MEOX2: variants seen among roughly 807,000 people sequenced by gnomAD.
MEOX2 encodes the protein homeobox protein MOX-2.
Under a neutral mutation model 27.0 loss-of-function variants are expected in MEOX2, and 11 were observed. The ratio of observed to expected loss-of-function variants is 0.41; its 90% CI spans 0.26 to 0.68. The LOEUF (loss-of-function observed/expected upper bound fraction) is 0.68, where lower values mean the gene tolerates loss of function less well. Among genes scored for constraint, MEOX2 ranks in the 30% least tolerant of loss-of-function variants. MEOX2 has a pLI of 0.33. For missense variants in MEOX2, 436 were observed against 385.4 expected (o/e 1.13, Z -1.10); for synonymous variants, 189 against 155.4 (o/e 1.22, Z -1.61).
chr7:15,673,582 C>A (rs1178514902), intron 1 of MEOX2, among the ~76,000 whole-genome samples: 11 of 34,434 alleles, frequency 3.2e-4, no homozygotes, highest in African/African-American at 6.4e-4. Flanking sequence ...GAGGAATAGA[C>A]ATAAACAAGT....
At chr7:15,625,271 G>C (rs751649894) in intron 2 of MEOX2, among the ~76,000 whole-genome samples, 1 of 152,004 alleles carries the variant, frequency 6.6e-6, no homozygotes, top group South Asian at 2.1e-4. Context: ...ATAAAATAGA[G>C]GTCTGATGAT....
chr7:15,619,190 C>G (rs938765202), intron 2 of MEOX2, among the ~76,000 whole-genome samples: 1 of 151,992 alleles, frequency 6.6e-6, no homozygotes, highest in Non-Finnish European at 1.5e-5. Flanking sequence ...CAACACAAAA[C>G]TTGCACGAGC....
intron 1 of MEOX2, among the ~76,000 whole-genome samples, chr7:15,648,522 C>T (rs1486522259): frequency 6.6e-6 from 1 of 151,928 alleles, no homozygotes; most frequent in Non-Finnish European, 1.5e-5. Flanking sequence ...GGATAGCAGG[C>T]CGGAGAAAGG....
intron 2 of MEOX2, among the ~76,000 whole-genome samples, chr7:15,624,482 A>G (rs941093778): frequency 6.6e-6 from 1 of 152,194 alleles, no homozygotes; most frequent in Non-Finnish European, 1.5e-5. Context: ...ACAATGGGAC[A>G]CTAGCAAATA....
chr7:15,657,224 T>A (rs940328301), intron 1 of MEOX2, among the ~76,000 whole-genome samples: 2 of 152,194 alleles, frequency 1.3e-5, no homozygotes, highest in African/African-American at 4.8e-5. Context: ...TTTGCAGGTT[T>A]ATGTCTTTTG....
chr7:15,621,182 A>G (rs1046819338), intron 2 of MEOX2, among the ~76,000 whole-genome samples: 1 of 152,202 alleles, frequency 6.6e-6, no homozygotes, highest in African/African-American at 2.4e-5. Flanking sequence ...TTATCTGTTG[A>G]TCTTGAAGGT....
At chr7:15,672,839 C>T (rs1489534604) in intron 1 of MEOX2, among the ~76,000 whole-genome samples, 1 of 151,602 alleles carries the variant, frequency 6.6e-6, no homozygotes, top group Non-Finnish European at 1.5e-5. Context: ...TTGCAGTGAG[C>T]CGAGATCGTG....
intron 1 of MEOX2, among the ~76,000 whole-genome samples, chr7:15,639,465 A>AGG (rs2115369475): frequency 6.6e-6 from 1 of 152,168 alleles, no homozygotes; most frequent in Admixed American, 6.5e-5. Context: ...TTTGCTGTGC[A>AGG]GAAGCTCTTT....
Position 15,611,486 on chromosome 7 carries a change from T to C in MEOX2, c.*901A>G, listed in dbSNP as rs970191357. 6.5e-6 allele frequency: 1 copy of C among 152,672 alleles called. No individual in the cohort carries two copies. The highest frequency in any genetic ancestry group is 1.5e-5 in the Non-Finnish European group (1 of 68,032). 9.5% of individuals were successfully genotyped at this position (152,672 alleles called of 1,614,324 possible). A position where few individuals can be genotyped will look rare whatever the true frequency, so the allele number is the denominator to read the frequency against. Reference sequence around the variant, plus strand: ...AAATAAAATAAGACAATGTCTGTCATACAAAGCTCTTTCTGCAAGGTAACT... The same window carrying C: ...AAATAAAATAAGACAATGTCTGTCACACAAAGCTCTTTCTGCAAGGTAACT... On this transcript the variant is annotated 3_prime_UTR_variant, in exon 3 of 3. Transcript: ENST00000262041.
chr7:15,630,990 C>A (rs191336558), intron 1 of MEOX2, among the ~76,000 whole-genome samples: 1 of 151,788 alleles, frequency 6.6e-6, no homozygotes, highest in Non-Finnish European at 1.5e-5. Context: ...ACAGTCATAG[C>A]GAGCTACTAT....
intron 1 of MEOX2, among the ~76,000 whole-genome samples, chr7:15,655,570 T>TGGGGAATGAAAATGAAGAAAATC (rs2115379904): frequency 6.6e-6 from 1 of 151,928 alleles, no homozygotes; most frequent in Admixed American, 6.6e-5. Flanking sequence ...AATGTTGTAT[T>TGGGGAATGAAAATGAAGAAAATC]TTCATTTTCT....
At chr7:15,658,474 T>A (rs1781860045) in intron 1 of MEOX2, among the ~76,000 whole-genome samples, 1 of 152,194 alleles carries the variant, frequency 6.6e-6, no homozygotes, top group East Asian at 1.9e-4. Context: ...ACATTTTTTG[T>A]GTGTATATAT....
Position 15,631,933 on chromosome 7 carries a change from G to GTGTGTGTGTGTGTGTGT in MEOX2, c.518-5016_518-5015insACACACACACACACACA, listed in dbSNP as rs66500166. On this transcript the variant is annotated intron_variant, in intron 1 of 2. Transcript: ENST00000262041. ...GTGTGTGTGTGTGTGTGTGTGTGTGGAGAGAAAGAGAGAGAGAGAGGAGAA... is the reference window on the plus strand; with the variant it reads ...GTGTGTGTGTGTGTGTGTGTGTGTGGTGTGTGTGTGTGTGTGTAGAGAAAGAGAGAGAGAGAGGAGAA... Among the ~76,000 whole-genome samples the GTGTGTGTGTGTGTGTGT allele has an allele frequency of 5.1e-3, 164 of 32,462 alleles. 1 individual carries two copies. Among genetic ancestry groups the GTGTGTGTGTGTGTGTGT allele is most frequent in the Middle Eastern group, 0.013 (1 of 78 alleles). 21.3% of individuals were successfully genotyped at this position (32,462 alleles called of 152,430 possible).
chr7:15,682,023 A>G (rs977639297), intron 1 of MEOX2: 1 of 151,832 alleles, frequency 6.6e-6, no homozygotes, highest in Admixed American at 6.6e-5. Flanking sequence ...TTTAGATCAC[A>G]TTTTAGAGCC....
At chr7:15,672,970 C>A (rs760580394) in intron 1 of MEOX2, among the ~76,000 whole-genome samples, 2 of 151,940 alleles carry the variant, frequency 1.3e-5, no homozygotes, top group Non-Finnish European at 2.9e-5. Context: ...TTAAACTTAA[C>A]CTGGACAGTC....
chr7:15,649,168 C>T (rs536213001), intron 1 of MEOX2, among the ~76,000 whole-genome samples: 5 of 152,164 alleles, frequency 3.3e-5, no homozygotes, highest in Non-Finnish European at 7.4e-5. Context: ...AAACATTTCA[C>T]GGTTTTTAAA....
Position 15,685,968 on chromosome 7 carries a change from C to G in MEOX2, c.435G>C (p.Ala145=). 1 of 1,610,976 alleles carries G rather than the reference C, an allele frequency of 6.2e-7. No homozygotes were observed. The highest frequency in any genetic ancestry group is 8.5e-7 in the Non-Finnish European group (1 of 1,179,690). Residue 145 remains alanine, a synonymous_variant, in exon 1 of 3, where the codon GCG becomes GCC. Coordinates refer to ENST00000262041, the MANE Select transcript of MEOX2 (RefSeq NM_005924.5). ...GSSTPTGAAC[A]PGDYGRQALS... is the part of the protein sequence containing the mutation. ...GTGCCTGGCGGCCGTAGTCCCCCGG[C>G]GCGCACGCGGCCCCAGTCGGGGTGC... is the stretch of plus-strand genomic sequence containing the variant.
intron 1 of MEOX2, among the ~76,000 whole-genome samples, chr7:15,635,069 C>T (rs1663044637): frequency 6.6e-6 from 1 of 151,936 alleles, no homozygotes; most frequent in Non-Finnish European, 1.5e-5. Flanking sequence ...TAAATACTGA[C>T]TGAATTAATA....
At chr7:15,627,546 A>T (rs17168924) in intron 1 of MEOX2, among the ~76,000 whole-genome samples, 9,971 of 152,118 alleles carry the variant, frequency 0.066, 382 homozygotes, top group Middle Eastern at 0.13. Context: ...TAAACTATGA[A>T]CAGAGTTTTT....
Sources: allele counts gnomAD v4.1 joint callset (sites outside exome capture counted in the v4.1 genomes callset), GRCh38; gene constraint gnomAD v4.1.1; transcripts MANE v1.5; gene names NCBI Gene and HGNC (gene_info 2026-07-23, HGNC 2026-07-21).